Variants in LYPLAL1 observed in about 807,000 individuals in gnomAD.
LYPLAL1 encodes the protein lysophospholipase like 1.
Under a neutral mutation model 19.7 loss-of-function variants are expected in LYPLAL1, and 23 were observed. The ratio of observed to expected loss-of-function variants is 1.17; its 90% confidence interval spans 0.84 to 1.65. The LOEUF (loss-of-function observed/expected upper bound fraction) is 1.65. Among genes scored for constraint, LYPLAL1 ranks in the 40% most tolerant of loss-of-function variants. The probability of loss-of-function intolerance (pLI) is 0.00; values close to 1 mark genes in which losing one functional copy is unlikely to be tolerated. For synonymous variants in LYPLAL1, 119 were observed against 96.3 expected, an observed-to-expected ratio of 1.24 and a Z score of -1.38; for missense variants, 355 against 279.4, an observed-to-expected ratio of 1.27 and a Z score of -1.93.
chr1:219,215,919 G>C (rs575304054), downstream of LYPLAL1, among the ~76,000 whole-genome samples: 1 of 152,196 alleles, frequency 6.6e-6, no homozygotes, highest in East Asian at 1.9e-4. Context: ...ATCACAGCTA[G>C]AAGCTAAATG....
At chr1:219,373,158 T>A in the LYPLAL1 span, among the ~76,000 whole-genome samples, 3 of 152,210 alleles carry the variant, frequency 2.0e-5, no homozygotes, top group Non-Finnish European at 2.9e-5. Flanking sequence ...TTGGTGTGCG[T>A]ACATGTAGCT....
the LYPLAL1 span, among the ~76,000 whole-genome samples, chr1:219,352,713 A>G: frequency 6.6e-6 from 1 of 152,138 alleles, no homozygotes; most frequent in Non-Finnish European, 1.5e-5. Flanking sequence ...CTGCTGAACA[A>G]TAAGCCTAGA....
At chr1:219,263,453 C>T in the LYPLAL1 span, among the ~76,000 whole-genome samples, 1 of 152,178 alleles carries the variant, frequency 6.6e-6, no homozygotes. Flanking sequence ...TTTTAGGTCT[C>T]ATGCCTCTCC....
chr1:219,293,321 TC>T, the LYPLAL1 span, among the ~76,000 whole-genome samples: 1 of 151,908 alleles, frequency 6.6e-6, no homozygotes, highest in Non-Finnish European at 1.5e-5. Flanking sequence ...ATAGGGTATT[TC>T]CCCCCAAAAA....
At chr1:219,316,766 A>T in the LYPLAL1 span, among the ~76,000 whole-genome samples, 1 of 152,220 alleles carries the variant, frequency 6.6e-6, no homozygotes, top group Non-Finnish European at 1.5e-5. Flanking sequence ...TCTTGCAGAC[A>T]CTACATTAAA....
chr1:219,326,553 C>T, the LYPLAL1 span, among the ~76,000 whole-genome samples: 6 of 152,094 alleles, frequency 3.9e-5, no homozygotes, highest in South Asian at 2.1e-4. Context: ...ATTCTTGACT[C>T]GGGGTAGTGG....
At chr1:219,415,868 T>G in the LYPLAL1 span, among the ~76,000 whole-genome samples, 1 of 152,230 alleles carries the variant, frequency 6.6e-6, no homozygotes, top group Non-Finnish European at 1.5e-5. Flanking sequence ...GCTGAATCAC[T>G]TCAATCTCTT....
At chr1:219,442,259 T>C in the LYPLAL1 span, among the ~76,000 whole-genome samples, 1 of 152,328 alleles carries the variant, frequency 6.6e-6, no homozygotes, top group African/African-American at 2.4e-5. Context: ...CAGGATAATA[T>C]TCTATTTACT....
At chr1:219,232,699 A>C in the LYPLAL1 span, among the ~76,000 whole-genome samples, 13 of 152,192 alleles carry the variant, frequency 8.5e-5, no homozygotes, top group Non-Finnish European at 2.9e-5. Context: ...GAAAACAAAT[A>C]ACCCAGTTAA....
At chr1:219,355,937 T>C in the LYPLAL1 span, among the ~76,000 whole-genome samples, 1 of 152,132 alleles carries the variant, frequency 6.6e-6, no homozygotes, top group East Asian at 1.9e-4. Context: ...TATGGAACAA[T>C]GCTGAAGTAG....
At chr1:219,436,609 AGACCCTTAAGTCTG>A in the LYPLAL1 span, among the ~76,000 whole-genome samples, 3 of 152,180 alleles carry the variant, frequency 2.0e-5, no homozygotes, top group African/African-American at 7.2e-5. Context: ...TAGCCAGAGC[AGACCCTTAAGTCTG>A]GACCCTTAAG....
At chr1:219,434,972 A>G in the LYPLAL1 span, among the ~76,000 whole-genome samples, 1 of 152,156 alleles carries the variant, frequency 6.6e-6, no homozygotes, top group Admixed American at 6.5e-5. Context: ...CATGGGAGAA[A>G]GCATTTATTC....
In LYPLAL1 at chr1:219,179,247, G is replaced by A. The variant is rs1656065474; in HGVS notation, c.191+1G>A. ...TTATTTATCCAACAGCTCCTCCCAG[G>A]TATGCAGTAATTTATCTCACTTGTC... On this transcript the variant is annotated splice_donor_variant, in intron 2 of 4. Coordinates refer to ENST00000366928, the MANE Select transcript of LYPLAL1 (RefSeq NM_138794.5). LOFTEE classifies it high-confidence loss of function. The A allele has an allele frequency of 3.1e-6, 5 of 1,594,188 alleles. No homozygotes were observed. In the African/African-American group the frequency reaches 5.4e-5, roughly 17 times the overall value.
rs910824849 is a variant in LYPLAL1 at position 219,212,412 on chromosome 1, A to G, written c.*684A>G. The G allele has an allele frequency of 2.6e-5, 4 of 152,060 alleles. No homozygotes were observed. The highest frequency in any genetic ancestry group is 3.9e-4 in the East Asian group (2 of 5,160). 9.4% of individuals were successfully genotyped at this position (152,060 alleles called of 1,614,324 possible). A position where few individuals can be genotyped will look rare whatever the true frequency, so the allele number is the denominator to read the frequency against. Reference sequence around the variant, plus strand: ...CCATTGGATTTTTGTTGAGATTTAAATAAATAGCCAAAAGCCAATACATAA... The same window carrying G: ...CCATTGGATTTTTGTTGAGATTTAAGTAAATAGCCAAAAGCCAATACATAA... On this transcript the variant is annotated 3_prime_UTR_variant, in exon 5 of 5. Coordinates refer to ENST00000366928, the MANE Select transcript of LYPLAL1 (RefSeq NM_138794.5).
the LYPLAL1 span, among the ~76,000 whole-genome samples, chr1:219,383,822 T>C: frequency 6.6e-6 from 1 of 152,334 alleles, no homozygotes; most frequent in South Asian, 2.1e-4. Flanking sequence ...ATATTCAACG[T>C]GAGCTTGATT....
chr1:219,275,246 C>A, the LYPLAL1 span, among the ~76,000 whole-genome samples: 8 of 152,118 alleles, frequency 5.3e-5, no homozygotes, highest in Non-Finnish European at 8.8e-5. Flanking sequence ...GTCCTTGGCC[C>A]CAGTGTCTGT....
chr1:219,414,903 C>T, the LYPLAL1 span, among the ~76,000 whole-genome samples: 1 of 152,106 alleles, frequency 6.6e-6, no homozygotes, highest in Non-Finnish European at 1.5e-5. Context: ...GCATGAGAAA[C>T]CAGGGGGACC....
At chr1:219,262,821 A>G in the LYPLAL1 span, among the ~76,000 whole-genome samples, 1 of 152,340 alleles carries the variant, frequency 6.6e-6, no homozygotes, top group East Asian at 1.9e-4. Flanking sequence ...TAGTTATTCT[A>G]GCAGTGAAGT....
chr1:219,394,384 A>G, the LYPLAL1 span, among the ~76,000 whole-genome samples: 19 of 152,182 alleles, frequency 1.2e-4, no homozygotes, highest in Admixed American at 1.2e-3. Flanking sequence ...GTTCAGTGGC[A>G]TTAAAGAGAT....
Sources: gnomAD v4.1 joint callset for allele counts (sites outside exome capture counted in the v4.1 genomes callset) on GRCh38, gnomAD v4.1.1 for gene constraint, MANE v1.5 for transcripts, NCBI Gene and HGNC (gene_info 2026-07-23, HGNC 2026-07-21) for gene names.